Variants in SEMA3A observed in about 807,000 individuals in gnomAD.
SEMA3A encodes semaphorin-3A.
SEMA3A carries 29 observed loss-of-function variants against 97.9 expected under a neutral mutation model. The observed-to-expected ratio is 0.30, with a 90% CI of 0.22 to 0.40. The LOEUF is 0.40. Among genes scored for constraint, SEMA3A ranks in the 10% least tolerant of loss-of-function variants. SEMA3A has a pLI of 1.00. For synonymous variants in SEMA3A, 321 were observed against 323.7 expected, an observed-to-expected ratio of 0.99 and a Z score of 0.09; for missense variants, 763 against 951.3, an observed-to-expected ratio of 0.80 and a Z score of 2.60.
chr7:84,090,633 T>C (rs1244415867), intron 4 of SEMA3A, among the ~76,000 whole-genome samples: 1 of 152,218 alleles, frequency 6.6e-6, no homozygotes. Flanking sequence ...GCAATTTTCT[T>C]TCTTTAAAAA....
At chr7:84,227,174 A>C (rs1305133200) in intron 3 of SEMA3A, among the ~76,000 whole-genome samples, 1 of 151,656 alleles carries the variant, frequency 6.6e-6, no homozygotes, top group Non-Finnish European at 1.5e-5. Context: ...ATGTATCTAT[A>C]TATCTATATC....
At chr7:84,401,685 G>A (rs1803908488) in intron 1 of SEMA3A, among the ~76,000 whole-genome samples, 2 of 151,948 alleles carry the variant, frequency 1.3e-5, no homozygotes, top group South Asian at 2.1e-4. Flanking sequence ...AACAGAATGG[G>A]GGACCAAGAA....
rs113227065 is a variant in SEMA3A, at chr7:84,317,072, C to T, written c.-168-9780G>A. On this transcript the variant is annotated intron_variant, in intron 2 of 3. Transcript: ENST00000424555. ...TTAACGTGAGATTTGGCTTATGGAC[C>T]CTAAAAACTCTTTCTATCCCTCAGG... Among the ~76,000 whole-genome samples, 5 of 152,080 alleles carry T rather than the reference C, an allele frequency of 3.3e-5. 1 individual carries two copies. Among genetic ancestry groups the T allele is most frequent in the African/African-American group, 1.2e-4 (5 of 41,486 alleles).
chr7:84,352,970 C>T (rs1428777701), intron 2 of SEMA3A, among the ~76,000 whole-genome samples: 1 of 151,616 alleles, frequency 6.6e-6, no homozygotes, highest in East Asian at 1.9e-4. Flanking sequence ...TACAGTCATC[C>T]CTTAGTATCC....
intron 3 of SEMA3A, among the ~76,000 whole-genome samples, chr7:84,265,977 T>C (rs1344516231): frequency 6.6e-6 from 1 of 152,152 alleles, no homozygotes; most frequent in Admixed American, 6.6e-5. Context: ...AATTTAGTAA[T>C]AAATGAGATT....
intron 6 of SEMA3A, among the ~76,000 whole-genome samples, chr7:84,023,346 C>T (rs953140303): frequency 2.6e-5 from 4 of 152,048 alleles, no homozygotes; most frequent in Non-Finnish European, 5.9e-5. Context: ...CACCAACAAG[C>T]CCCCCAAAGG....
chr7:84,296,085 T>C (rs1193038447), intron 3 of SEMA3A, among the ~76,000 whole-genome samples: 1 of 152,136 alleles, frequency 6.6e-6, no homozygotes, highest in Non-Finnish European at 1.5e-5. Flanking sequence ...AGAGAATTCC[T>C]GACTTAAGAG....
At position 84,046,360 on chromosome 7, in the gene SEMA3A, T is replaced by C. The variant is rs1792349089; in HGVS notation, c.631A>G (p.Ile211Val). ...IFRTLGHHHP[I>V]RTEQHDSRWL... is the part of the protein sequence containing the mutation. ...CTGGAATCATGCTGCTCTGTCCTGA[T>C]TGGGTGGTGGTGCCCAAGAGTTCGG... Residue 211 changes from isoleucine to valine, a missense_variant, in exon 6 of 17, where the codon ATC becomes GTC. By Grantham distance (29) the Ile-to-Val change is conservative. Around this residue, in one of 2 missense-constraint regions of SEMA3A, gnomAD observed 678 missense variants for 881.3 expected, o/e 0.77. Coordinates refer to ENST00000265362, the MANE Select transcript of SEMA3A (RefSeq NM_006080.3). The C allele has an allele frequency of 1.2e-6, 2 of 1,613,256 alleles. No homozygotes were observed. Among genetic ancestry groups the C allele is most frequent in the Non-Finnish European group, 1.7e-6 (2 of 1,179,408 alleles).
chr7:84,123,615 G>GCA (rs138518838), intron 3 of SEMA3A, among the ~76,000 whole-genome samples: 11 of 149,008 alleles, frequency 7.4e-5, no homozygotes, highest in South Asian at 6.4e-4. Context: ...GCATGCGCAG[G>GCA]CACACACACA....
At chr7:84,088,553 T>G (rs193239546) in intron 4 of SEMA3A, among the ~76,000 whole-genome samples, 2 of 152,172 alleles carry the variant, frequency 1.3e-5, no homozygotes, top group Non-Finnish European at 2.9e-5. Context: ...CTTAATTCAA[T>G]TTTATTTATC....
chr7:84,275,650 A>G (rs1800274660), intron 3 of SEMA3A, among the ~76,000 whole-genome samples: 1 of 151,974 alleles, frequency 6.6e-6, no homozygotes, highest in Admixed American at 6.6e-5. Context: ...TCTAGGGATC[A>G]CATTTTGAGT....
chr7:84,115,274 C>A (rs1795390580), intron 3 of SEMA3A, among the ~76,000 whole-genome samples: 1 of 152,068 alleles, frequency 6.6e-6, no homozygotes, highest in Admixed American at 6.6e-5. Context: ...TGAAGACTCT[C>A]TGTACAAGGC....
chr7:84,419,529 CAAA>C (rs35358909), intron 1 of SEMA3A, among the ~76,000 whole-genome samples: 1 of 132,542 alleles, frequency 7.5e-6, no homozygotes. Flanking sequence ...TGCATGAGAC[CAAA>C]AAAAAAAAAA....
At chr7:84,230,715 C>T (rs1209284381) in intron 3 of SEMA3A, among the ~76,000 whole-genome samples, 8 of 151,900 alleles carry the variant, frequency 5.3e-5, no homozygotes, top group Non-Finnish European at 1.2e-4. Context: ...CTCTTGATTA[C>T]AGTTTTGCAA....
At chr7:84,291,245 C>G (rs1800736695) in intron 3 of SEMA3A, among the ~76,000 whole-genome samples, 1 of 151,802 alleles carries the variant, frequency 6.6e-6, no homozygotes, top group South Asian at 2.1e-4. Flanking sequence ...GGTAATATTA[C>G]TTAGTATTTC....
chr7:84,268,294 T>TGC (rs1554354610), intron 3 of SEMA3A, among the ~76,000 whole-genome samples: 2 of 148,594 alleles, frequency 1.3e-5, no homozygotes, highest in Non-Finnish European at 3.0e-5. Context: ...TGTGTGTGTG[T>TGC]GCAGGTGCTC....
intron 3 of SEMA3A, among the ~76,000 whole-genome samples, chr7:84,276,409 T>A (rs1242885646): frequency 6.6e-6 from 1 of 152,058 alleles, no homozygotes. Flanking sequence ...GCCTTATAAT[T>A]GATATATATA....
Position 84,477,092 on chromosome 7 carries a change from A to T in SEMA3A, c.-246+15368T>A, listed in dbSNP as rs185869968. On this transcript the variant is annotated intron_variant, in intron 1 of 3. Coordinates refer to the SEMA3A transcript ENST00000424555. ...AAAAAAAATATATATATATATATAT[A>T]TTTTTCAAAAAAAATCCTTTATATG... Among the ~76,000 whole-genome samples the T allele has an allele frequency of 3.6e-3, 513 of 141,554 alleles. 1 individual carries two copies. The highest frequency in any genetic ancestry group is 0.01 in the African/African-American group (394 of 38,732). The allele number at this position is 141,554 out of a possible 152,430, so 92.9% of individuals were successfully genotyped here.
At chr7:84,438,315 C>G (rs1805187314) in intron 1 of SEMA3A, among the ~76,000 whole-genome samples, 1 of 151,932 alleles carries the variant, frequency 6.6e-6, no homozygotes, top group Non-Finnish European at 1.5e-5. Flanking sequence ...ATAAAAATAG[C>G]CAGAGGAAGA....
Sources: allele counts gnomAD v4.1 joint callset (sites outside exome capture counted in the v4.1 genomes callset), GRCh38; gene constraint gnomAD v4.1.1; regional missense constraint gnomAD v4.1.1; transcripts MANE v1.5; gene names NCBI Gene and HGNC (gene_info 2026-07-23, HGNC 2026-07-21).